Variants in LNX1 observed in about 807,000 individuals in gnomAD.
The protein encoded by LNX1 is ligand of numb-protein X 1.
In LNX1, 54 loss-of-function variants were observed where a neutral mutation model predicts 68.4. That is an observed-to-expected ratio of 0.79 (90% CI 0.63 to 0.99). The LOEUF (loss-of-function observed/expected upper bound fraction) is 0.99, where lower values mean the gene tolerates loss of function less well. LNX1 is among the 50% of genes least tolerant of loss of function. The pLI, the probability that LNX1 is intolerant of heterozygous loss-of-function variation, is 0.00. For missense variants in LNX1, 906 were observed against 926.4 expected, an observed-to-expected ratio of 0.98 and a Z score of 0.29; for synonymous variants, 336 against 350.0, an observed-to-expected ratio of 0.96 and a Z score of 0.45.
chr4:53,597,700 G>A (rs1481371017), intron 2 of LNX1, among the ~76,000 whole-genome samples: 1 of 152,210 alleles, frequency 6.6e-6, no homozygotes, highest in Non-Finnish European at 1.5e-5. Context: ...CCCAGTCTGA[G>A]TGCCTTCTAG....
At chr4:53,478,867 C>T (rs1723739082) in intron 7 of LNX1, 125 bp from the exon 8 acceptor site, 2 of 882,410 alleles carry the variant, frequency 2.3e-6, no homozygotes, top group Non-Finnish European at 3.5e-6. Flanking sequence ...ATAAATTATG[C>T]AAAGTGCATA....
chr4:53,563,522 G>A (rs1323454039), intron 2 of LNX1, among the ~76,000 whole-genome samples: 1 of 151,540 alleles, frequency 6.6e-6, no homozygotes, highest in East Asian at 1.9e-4. Context: ...TCTGGTTCTA[G>A]GTTAGCTTCA....
At chr4:53,620,107 A>AC (rs1315554529), upstream of LNX1, among the ~76,000 whole-genome samples, 1 of 152,194 alleles carries the variant, frequency 6.6e-6, no homozygotes, top group Non-Finnish European at 1.5e-5. Context: ...TGCCAGCAGC[A>AC]AGTGAGGTGA....
intron 1 of LNX1, among the ~76,000 whole-genome samples, chr4:53,638,769 G>A (rs1461271869): frequency 6.6e-6 from 1 of 152,152 alleles, no homozygotes; most frequent in African/African-American, 2.4e-5. Context: ...TTGGCCATGA[G>A]CTCAAAATTG....
At chr4:53,651,228 C>G (rs1735084988) in intron 1 of LNX1, among the ~76,000 whole-genome samples, 1 of 152,202 alleles carries the variant, frequency 6.6e-6, no homozygotes. Flanking sequence ...GAATGCTCTC[C>G]CTCAATCCAA....
intron 2 of LNX1, among the ~76,000 whole-genome samples, chr4:53,610,371 C>T (rs748139186): frequency 1.3e-5 from 2 of 152,090 alleles, no homozygotes; most frequent in Non-Finnish European, 2.9e-5. Flanking sequence ...AAAGGTCGAA[C>T]TTTATAACAT....
At chr4:53,640,614 G>A (rs911018193) in intron 1 of LNX1, among the ~76,000 whole-genome samples, 1 of 152,204 alleles carries the variant, frequency 6.6e-6, no homozygotes, top group African/African-American at 2.4e-5. Context: ...AGTTGCAGGA[G>A]AACCACAATA....
intron 7 of LNX1, among the ~76,000 whole-genome samples, chr4:53,480,880 C>T (rs1020703628): frequency 1.8e-4 from 28 of 152,202 alleles, no homozygotes; most frequent in South Asian, 8.3e-4. Flanking sequence ...GAATGAGCTA[C>T]CTTTAAGAAT....
chr4:53,585,349 C>T (rs1437972784), intron 1 of LNX1, among the ~76,000 whole-genome samples: 1 of 152,172 alleles, frequency 6.6e-6, no homozygotes, highest in Admixed American at 6.5e-5. Context: ...GTACTTTGCT[C>T]AGTATTTCAG....
intron 1 of LNX1, among the ~76,000 whole-genome samples, chr4:53,625,844 C>CATGT (rs71662240): frequency 6.9e-6 from 1 of 144,166 alleles, no homozygotes. Flanking sequence ...AATTCCACCC[C>CATGT]GTGTGTGTGT....
intron 2 of LNX1, among the ~76,000 whole-genome samples, chr4:53,559,553 G>A (rs755677755): frequency 2.0e-5 from 3 of 152,206 alleles, no homozygotes; most frequent in Non-Finnish European, 4.4e-5. Flanking sequence ...AAAGACAATA[G>A]TAATAGTGCT....
chr4:53,593,296 C>T (rs1437778503), upstream of LNX1, among the ~76,000 whole-genome samples: 1 of 152,192 alleles, frequency 6.6e-6, no homozygotes, highest in East Asian at 1.9e-4. Flanking sequence ...GCCACGCCTT[C>T]AGCGGTCTTG....
Position 53,613,750 on chromosome 4 carries a change from A to C in LNX1, c.-215+2767T>G, listed in dbSNP as rs1733584148. ...TGATTCCATGTCTTTGCTATTGTGA[A>C]TAGCACTGCACTGAATATATGGGTG... On this transcript the variant is annotated intron_variant, in intron 2 of 3. Transcript: ENST00000504299. 2.0e-5 allele frequency among the ~76,000 whole-genome samples: 3 copies of C among 152,188 alleles called. No individual in the cohort carries two copies. The South Asian group carries it at 6.2e-4, about 32-fold the overall frequency.
In LNX1 at chr4:53,460,868, T is replaced by TTAC. The variant is rs1721916621; in HGVS notation, c.*38_*39insGTA. 6.4e-7 allele frequency: 1 copy of TTAC among 1,570,846 alleles called. No individual in the cohort carries two copies. The highest frequency in any genetic ancestry group is 8.7e-7 in the Non-Finnish European group (1 of 1,153,778). On this transcript the variant is annotated 3_prime_UTR_variant, in exon 11 of 11. Transcript: ENST00000263925. ...TATAGTGTTTCAACTTCTTAGCCTA[T>TTAC]TTGTGATTTTTCTGTTTTCCTCTGA...
At chr4:53,465,643 C>T (rs1286460076) in intron 9 of LNX1, among the ~76,000 whole-genome samples, 1 of 152,210 alleles carries the variant, frequency 6.6e-6, no homozygotes, top group African/African-American at 2.4e-5. Flanking sequence ...TGGTCCAGAG[C>T]TAGTTGTGTT....
intron 2 of LNX1, among the ~76,000 whole-genome samples, chr4:53,572,998 T>C (rs1449791029): frequency 6.6e-6 from 1 of 152,178 alleles, no homozygotes; most frequent in African/African-American, 2.4e-5. Context: ...CTGGGGCACC[T>C]TTTTTTCCTT....
At position 53,496,122 on chromosome 4, in the gene LNX1, T is replaced by C. The variant is rs755086500; in HGVS notation, c.1251A>G (p.Ala417=). 7.4e-6 allele frequency: 12 copies of C among 1,614,150 alleles called. No homozygotes were observed. The South Asian group carries it at 9.9e-5, about 13-fold the overall frequency. Residue 417 remains alanine (A), a synonymous_variant, in exon 6 of 11, where the codon GCA becomes GCG. Transcript: ENST00000263925. ...TCTCCTCAAGCTGACCATGTCGATA[T>C]GCCACACCGCCATCCAGCACATTGA... ...FIFNVLDGGV[A]YRHGQLEEND... is the part of the protein sequence containing the mutation.
intron 1 of LNX1, among the ~76,000 whole-genome samples, chr4:53,635,678 A>G (rs1253587824): frequency 1.3e-5 from 2 of 152,212 alleles, no homozygotes; most frequent in Non-Finnish European, 2.9e-5. Flanking sequence ...ATGAAAAACA[A>G]GCCATTTTAT....
At chr4:53,532,442 A>C (rs898665368) in intron 2 of LNX1, among the ~76,000 whole-genome samples, 1 of 151,874 alleles carries the variant, frequency 6.6e-6, no homozygotes, top group African/African-American at 2.4e-5. Flanking sequence ...CTCCATCTCA[A>C]ATAAATAAAT....
Sources: gnomAD v4.1 joint callset for allele counts (sites outside exome capture counted in the v4.1 genomes callset) on GRCh38, gnomAD v4.1.1 for gene constraint, MANE v1.5 for transcripts, NCBI Gene and HGNC (gene_info 2026-07-23, HGNC 2026-07-21) for gene names.